SNX7: variants seen among roughly 807,000 people sequenced by gnomAD.
The protein encoded by SNX7 is sorting nexin-7.
In SNX7, 35 loss-of-function variants were observed where a neutral mutation model predicts 48.4. The ratio of observed to expected loss-of-function variants is 0.72; its 90% confidence interval spans 0.55 to 0.96. The LOEUF (loss-of-function observed/expected upper bound fraction) is 0.96. Among genes scored for constraint, SNX7 ranks in the 40% least tolerant of loss-of-function variants. SNX7 has a pLI of 0.00. For synonymous variants in SNX7, 190 were observed against 190.2 expected (o/e 1.00, Z 0.01); for missense variants, 553 against 548.9 (o/e 1.01, Z -0.07).
intron 7 of SNX7, among the ~76,000 whole-genome samples, chr1:98,703,047 C>G (rs1223986629): frequency 1.3e-5 from 2 of 151,982 alleles, no homozygotes; most frequent in Non-Finnish European, 2.9e-5. Context: ...AATTAGTTTT[C>G]TTTGTATATT....
At chr1:98,683,912 C>A (rs772556598) in intron 1 of SNX7, among the ~76,000 whole-genome samples, 5 of 152,160 alleles carry the variant, frequency 3.3e-5, no homozygotes, top group African/African-American at 1.2e-4. Flanking sequence ...TCAGACCTTT[C>A]AGAAAGTAGA....
chr1:98,715,116 C>T (rs1218528758), intron 7 of SNX7, among the ~76,000 whole-genome samples: 1 of 152,046 alleles, frequency 6.6e-6, no homozygotes, highest in Non-Finnish European at 1.5e-5. Context: ...AATGCTCAGA[C>T]CCATTCAAGT....
intron 7 of SNX7, among the ~76,000 whole-genome samples, chr1:98,714,946 A>G (rs1050322418): frequency 1.3e-5 from 2 of 152,230 alleles, no homozygotes; most frequent in African/African-American, 4.8e-5. Context: ...AAAATTTGCA[A>G]GTACACTTCA....
At chr1:98,709,809 T>G (rs912760560) in intron 7 of SNX7, among the ~76,000 whole-genome samples, 2 of 152,166 alleles carry the variant, frequency 1.3e-5, no homozygotes, top group Non-Finnish European at 2.9e-5. Flanking sequence ...CTTTTTTGTG[T>G]CAAACTCACC....
chr1:98,695,752 T>A (rs748686468), intron 5 of SNX7, 36 bp downstream of exon 5: 22 of 1,405,706 alleles, frequency 1.6e-5, no homozygotes, highest in Non-Finnish European at 2.2e-5. Context: ...TTCAAAGTTG[T>A]TCAGTTTCTG....
chr1:98,661,651 G>A (rs1319157491), upstream of SNX7: 31 of 1,139,064 alleles, frequency 2.7e-5, no homozygotes, highest in South Asian at 3.5e-4. Flanking sequence ...GGAGGTGCAG[G>A]AGACGTGGGA....
rs1181956012 is a variant in SNX7, at chr1:98,760,209, C to A, written c.*78C>A. 3 of 1,152,176 alleles carry A rather than the reference C, an allele frequency of 2.6e-6. No homozygotes were observed. The highest frequency in any genetic ancestry group is 4.8e-5 in the East Asian group (2 of 41,740). 71.4% of individuals were successfully genotyped at this position (1,152,176 alleles called of 1,614,324 possible). On this transcript the variant is annotated 3_prime_UTR_variant, in exon 9 of 9. Coordinates refer to ENST00000306121, the MANE Select transcript of SNX7 (RefSeq NM_015976.5). ...GTTATTCTTTCTGGATCTGCCGTGTCCTTATAAAGTGGATGAAAAATGTTT... is the reference window on the plus strand; with the variant it reads ...GTTATTCTTTCTGGATCTGCCGTGTACTTATAAAGTGGATGAAAAATGTTT...
At chr1:98,669,196 C>A (rs903080479) in intron 1 of SNX7, among the ~76,000 whole-genome samples, 1 of 152,188 alleles carries the variant, frequency 6.6e-6, no homozygotes, top group Non-Finnish European at 1.5e-5. Flanking sequence ...TGTTTACCTT[C>A]TAATCATCCC....
chr1:98,707,401 A>G (rs1242416102), intron 7 of SNX7, among the ~76,000 whole-genome samples: 2 of 152,214 alleles, frequency 1.3e-5, no homozygotes, highest in Non-Finnish European at 2.9e-5. Context: ...TATGAAAGCC[A>G]TAATTTTTGA....
At chr1:98,677,291 T>C (rs1232236231) in intron 1 of SNX7, 1 of 152,210 alleles carries the variant, frequency 6.6e-6, no homozygotes, top group African/African-American at 2.4e-5. Context: ...TTTTTCTTTC[T>C]TTTATTTAGA....
At chr1:98,745,127 G>C (rs1654251624) in intron 8 of SNX7, among the ~76,000 whole-genome samples, 1 of 152,048 alleles carries the variant, frequency 6.6e-6, no homozygotes. Flanking sequence ...GAGTTACCCA[G>C]ATAGAGTTGT....
At chr1:98,704,818 C>T (rs1401297184) in intron 7 of SNX7, among the ~76,000 whole-genome samples, 1 of 152,108 alleles carries the variant, frequency 6.6e-6, no homozygotes, top group Admixed American at 6.6e-5. Context: ...TGGGATGCTA[C>T]GTGCAAACCC....
At chr1:98,747,339 T>G (rs1443613779) in intron 8 of SNX7, among the ~76,000 whole-genome samples, 1 of 152,166 alleles carries the variant, frequency 6.6e-6, no homozygotes, top group African/African-American at 2.4e-5. Context: ...TTATTACAGA[T>G]TCAATTTAGA....
chr1:98,670,447 C>T (rs1340701916), intron 1 of SNX7, among the ~76,000 whole-genome samples: 2 of 152,140 alleles, frequency 1.3e-5, no homozygotes, highest in South Asian at 4.1e-4. Flanking sequence ...AAGGGACAGG[C>T]GCTAGCAGAA....
chr1:98,691,493 G>C, intron 3 of SNX7, 42 bp from the exon 4 acceptor site: 1 of 1,494,154 alleles, frequency 6.7e-7, no homozygotes. Context: ...TAAACCTATG[G>C]CTAATAATAC....
intron 8 of SNX7, among the ~76,000 whole-genome samples, chr1:98,757,358 G>A (rs1654903809): frequency 6.6e-6 from 1 of 151,918 alleles, no homozygotes; most frequent in African/African-American, 2.4e-5. Context: ...GTGTCAGCAG[G>A]CTGCTTTCTT....
At chr1:98,700,392 T>A (rs531567808) in intron 6 of SNX7, among the ~76,000 whole-genome samples, 4 of 152,286 alleles carry the variant, frequency 2.6e-5, no homozygotes, top group Non-Finnish European at 4.4e-5. Flanking sequence ...TAAATAGGAC[T>A]GAATTAGAGA....
intron 7 of SNX7, among the ~76,000 whole-genome samples, chr1:98,719,077 A>G (rs1652732868): frequency 1.3e-5 from 2 of 152,154 alleles, no homozygotes; most frequent in Admixed American, 6.6e-5. Flanking sequence ...AGGGTATTTA[A>G]TTTTGATAGC....
intron 8 of SNX7, among the ~76,000 whole-genome samples, chr1:98,742,685 A>C (rs1253315233): frequency 6.6e-6 from 1 of 152,064 alleles, no homozygotes; most frequent in Non-Finnish European, 1.5e-5. Flanking sequence ...TCAGTACACA[A>C]ATGTATGATG....
Sources: gnomAD v4.1 joint callset for allele counts (sites outside exome capture counted in the v4.1 genomes callset) on GRCh38, gnomAD v4.1.1 for gene constraint, MANE v1.5 for transcripts, NCBI Gene and HGNC (gene_info 2026-07-23, HGNC 2026-07-21) for gene names.